The following MAGI2 variants were observed in gnomAD, a reference collection of about 807,000 sequenced individuals.
The protein encoded by MAGI2 is membrane associated guanylate kinase, WW and PDZ domain containing 2, also known as membrane-associated guanylate kinase, WW and PDZ domain-containing protein 2.
In MAGI2, 35 loss-of-function variants were observed where a neutral mutation model predicts 133.3. That is an observed-to-expected ratio of 0.26 (90% CI 0.20 to 0.35). MAGI2 has a LOEUF of 0.35. Ranked by LOEUF, MAGI2 falls within the 10% of genes least tolerant of loss-of-function variation. MAGI2 has a pLI of 1.00. For synonymous variants in MAGI2, 729 were observed against 710.6 expected (o/e 1.03, Z -0.41); for missense variants, 1,636 against 1,863.4 (o/e 0.88, Z 2.25).
chr7:78,761,649 G>T (rs960981468), intron 2 of MAGI2, among the ~76,000 whole-genome samples: 2 of 151,840 alleles, frequency 1.3e-5, no homozygotes, highest in African/African-American at 2.4e-5. Context: ...GTAAAGATGG[G>T]GTTTCACCAT....
At chr7:78,760,827 T>C (rs1824435070) in intron 2 of MAGI2, among the ~76,000 whole-genome samples, 1 of 152,168 alleles carries the variant, frequency 6.6e-6, no homozygotes, top group African/African-American at 2.4e-5. Context: ...AAATCCTCAG[T>C]GTCTACTTCC....
intron 1 of MAGI2, among the ~76,000 whole-genome samples, chr7:79,391,618 T>G (rs1029275764): frequency 6.7e-6 from 1 of 149,888 alleles, no homozygotes; most frequent in African/African-American, 2.4e-5. Flanking sequence ...GTTTGTTACA[T>G]AGGTATACGT....
chr7:78,103,538 A>G (rs1270618206), intron 20 of MAGI2, among the ~76,000 whole-genome samples: 1 of 152,116 alleles, frequency 6.6e-6, no homozygotes, highest in Non-Finnish European at 1.5e-5. Flanking sequence ...TATTACAAAA[A>G]CTCTGCAAGG....
intron 1 of MAGI2, among the ~76,000 whole-genome samples, chr7:79,216,108 G>T (rs113146769): frequency 0.027 from 4,077 of 151,844 alleles, 86 homozygotes; most frequent in East Asian, 0.039. Context: ...TCAAACCCAA[G>T]GCTCCATAAG....
At chr7:78,503,619 C>A (rs80324099) in intron 4 of MAGI2, among the ~76,000 whole-genome samples, 1,998 of 110,048 alleles carry the variant, frequency 0.018, 79 homozygotes, top group African/African-American at 0.035. Flanking sequence ...CCTCCTTCCC[C>A]TCCCACTCCT....
chr7:79,033,090 C>T (rs913207284), intron 1 of MAGI2, among the ~76,000 whole-genome samples: 6 of 152,116 alleles, frequency 3.9e-5, no homozygotes, highest in African/African-American at 1.4e-4. Context: ...GAGGTATGCT[C>T]TTGGATCTGT....
intron 6 of MAGI2, chr7:78,456,873 A>G (rs1326655304): frequency 1.3e-5 from 2 of 152,206 alleles, no homozygotes; most frequent in Non-Finnish European, 2.9e-5. Flanking sequence ...TGCTTTTTGA[A>G]TTATCCTCTT....
chr7:78,040,457 C>G (rs544064789), intron 21 of MAGI2, among the ~76,000 whole-genome samples: 23 of 152,182 alleles, frequency 1.5e-4, no homozygotes, highest in Admixed American at 5.2e-4. Context: ...CCGGCTCAGC[C>G]CAGGGTCAGG....
rs562984232 is a variant in MAGI2, at chr7:79,449,142, T to G, written c.301+3878A>C. On this transcript the variant is annotated intron_variant, in intron 1 of 21. Transcript: ENST00000354212. The stretch of plus-strand genomic sequence containing the variant: ...AAATTTGACATAATTTGTTTTTACC[T>G]TTTCAGATACAAAGGAGTATAGAGA... Among the ~76,000 whole-genome samples the G allele has an allele frequency of 2.0e-5, 3 of 152,234 alleles. No individual in the cohort carries two copies. In the South Asian group the frequency reaches 6.2e-4, roughly 32 times the overall value.
intron 2 of MAGI2, among the ~76,000 whole-genome samples, chr7:78,734,998 T>G (rs939174470): frequency 5.9e-5 from 9 of 152,214 alleles, no homozygotes; most frequent in Non-Finnish European, 1.5e-5. Flanking sequence ...AACTTTTCTG[T>G]GTCGAGTTTC....
At chr7:78,149,463 GA>G (rs1823650664) in intron 16 of MAGI2, among the ~76,000 whole-genome samples, 1 of 152,182 alleles carries the variant, frequency 6.6e-6, no homozygotes, top group African/African-American at 2.4e-5. Context: ...AGCTAAGAGT[GA>G]CTTAGCACCA....
At chr7:78,408,737 C>T (rs1028698277) in intron 6 of MAGI2, among the ~76,000 whole-genome samples, 7 of 152,000 alleles carry the variant, frequency 4.6e-5, no homozygotes, top group South Asian at 2.1e-4. Flanking sequence ...AAGTAAAATA[C>T]GTAACGCAAA....
intron 1 of MAGI2, among the ~76,000 whole-genome samples, chr7:79,074,675 A>G (rs1447808940): frequency 1.3e-5 from 2 of 152,236 alleles, no homozygotes; most frequent in African/African-American, 4.8e-5. Flanking sequence ...TAAGTATGTG[A>G]AAATCAATGT....
intron 14 of MAGI2, among the ~76,000 whole-genome samples, chr7:78,174,055 T>G (rs1312604357): frequency 6.6e-6 from 1 of 152,212 alleles, no homozygotes. Flanking sequence ...GCCACTTTAA[T>G]TCTACAGAGC....
intron 2 of MAGI2, among the ~76,000 whole-genome samples, chr7:78,892,241 T>C (rs1305725997): frequency 6.6e-6 from 1 of 152,030 alleles, no homozygotes; most frequent in African/African-American, 2.4e-5. Context: ...GATACAAACA[T>C]ATGGAAGAAC....
At chr7:78,620,735 T>C (rs1807643877) in intron 3 of MAGI2, among the ~76,000 whole-genome samples, 1 of 152,000 alleles carries the variant, frequency 6.6e-6, no homozygotes, top group Non-Finnish European at 1.5e-5. Context: ...TCTTAAAAAT[T>C]GGGACAATAT....
At chr7:78,644,184 A>G (rs971402947) in intron 2 of MAGI2, among the ~76,000 whole-genome samples, 7 of 152,142 alleles carry the variant, frequency 4.6e-5, no homozygotes, top group African/African-American at 1.4e-4. Context: ...TGAAGCAAAT[A>G]CATGGAGCTA....
rs569020442 is a variant in MAGI2 at position 79,279,775 on chromosome 7, C to G, written c.301+173245G>C. ...AGCCAAAAAAGCACATTTGATTTAACTTCTTCAGTTCAAATTACGTGACAT... is the reference window on the plus strand; with the variant it reads ...AGCCAAAAAAGCACATTTGATTTAAGTTCTTCAGTTCAAATTACGTGACAT... On this transcript the variant is annotated intron_variant, in intron 1 of 21. Coordinates refer to ENST00000354212, the MANE Select transcript of MAGI2 (RefSeq NM_012301.4). 2.0e-5 allele frequency among the ~76,000 whole-genome samples: 3 copies of G among 152,292 alleles called. No homozygotes were observed. In the South Asian group the frequency reaches 6.2e-4, roughly 32 times the overall value.
chr7:79,214,515 T>C (rs896094093), intron 1 of MAGI2, among the ~76,000 whole-genome samples: 9 of 136,634 alleles, frequency 6.6e-5, no homozygotes, highest in Non-Finnish European at 1.2e-4. Context: ...ATAAAAGTCA[T>C]ACAGTACACC....
Sources: gnomAD v4.1 joint callset for allele counts (sites outside exome capture counted in the v4.1 genomes callset) on GRCh38, gnomAD v4.1.1 for gene constraint, MANE v1.5 for transcripts, NCBI Gene and HGNC (gene_info 2026-07-23, HGNC 2026-07-21) for gene names.